Variants in GRM5 observed in about 807,000 individuals in gnomAD.
GRM5 encodes metabotropic glutamate receptor 5.
In GRM5, 19 loss-of-function variants were observed where a neutral mutation model predicts 83.1. The ratio of observed to expected loss-of-function variants is 0.23; its 90% CI spans 0.16 to 0.34. The LOEUF (loss-of-function observed/expected upper bound fraction) is 0.34, where lower values mean the gene tolerates loss of function less well. Ranked by LOEUF, GRM5 falls within the 10% of genes least tolerant of loss-of-function variation. The pLI, the probability that GRM5 is intolerant of heterozygous loss-of-function variation, is 1.00. For synonymous variants in GRM5, 675 were observed against 633.6 expected, an observed-to-expected ratio of 1.07 and a Z score of -0.98; for missense variants, 1,160 against 1,588.3, an observed-to-expected ratio of 0.73 and a Z score of 4.58.
At chr11:88,783,318 T>A (rs1382891913) in intron 3 of GRM5, among the ~76,000 whole-genome samples, 1 of 152,108 alleles carries the variant, frequency 6.6e-6, no homozygotes, top group Non-Finnish European at 1.5e-5. Context: ...ACACTAAATT[T>A]TGGGTATCTT....
At chr11:88,510,508 AG>A (rs1941335717) in intron 9 of GRM5, among the ~76,000 whole-genome samples, 1 of 76,642 alleles carries the variant, frequency 1.3e-5, no homozygotes. Flanking sequence ...CTGACACTCA[AG>A]ATTTTTTTTT....
At chr11:88,845,728 C>T (rs1440012687) in intron 3 of GRM5, among the ~76,000 whole-genome samples, 4 of 151,374 alleles carry the variant, frequency 2.6e-5, no homozygotes, top group Non-Finnish European at 5.9e-5. Context: ...CCACCGCGCC[C>T]CCCCCCACTT....
intron 3 of GRM5, among the ~76,000 whole-genome samples, chr11:88,749,943 A>C (rs571649054): frequency 6.6e-6 from 1 of 152,296 alleles, no homozygotes; most frequent in East Asian, 1.9e-4. Context: ...GGAAGCACTA[A>C]ATATGGAAAG....
At chr11:88,842,206 T>A (rs868622457) in intron 3 of GRM5, among the ~76,000 whole-genome samples, 22 of 152,098 alleles carry the variant, frequency 1.4e-4, no homozygotes, top group African/African-American at 4.1e-4. Flanking sequence ...TTCTTATTTT[T>A]AAAAAAATAT....
intron 2 of GRM5, among the ~76,000 whole-genome samples, chr11:88,986,222 G>A (rs1021287067): frequency 6.6e-6 from 1 of 152,068 alleles, no homozygotes; most frequent in African/African-American, 2.4e-5. Flanking sequence ...TCTCTAGAGA[G>A]TTATGCTAAG....
chr11:88,969,433 T>C (rs1469980246), intron 2 of GRM5, among the ~76,000 whole-genome samples: 1 of 152,048 alleles, frequency 6.6e-6, no homozygotes, highest in African/African-American at 2.4e-5. Context: ...TCAAATCTAA[T>C]TTCCCCATCA....
chr11:88,639,300 C>G (rs1939226098), intron 4 of GRM5, among the ~76,000 whole-genome samples: 1 of 152,116 alleles, frequency 6.6e-6, no homozygotes, highest in South Asian at 2.1e-4. Context: ...GCAGTTCTCT[C>G]CTCTCTGATT....
At chr11:88,726,654 C>G (rs569300538) in intron 3 of GRM5, among the ~76,000 whole-genome samples, 10 of 152,152 alleles carry the variant, frequency 6.6e-5, no homozygotes, top group Non-Finnish European at 1.5e-4. Context: ...GGTCAGATTA[C>G]CCACAAAGGG....
At chr11:89,006,784 TTTTGTTTTGTTTTGC>T (rs1489258715) in intron 2 of GRM5, among the ~76,000 whole-genome samples, 1 of 152,100 alleles carries the variant, frequency 6.6e-6, no homozygotes, top group Middle Eastern at 3.4e-3. Context: ...ATCTTTTTTG[TTTTGTTTTGTTTTGC>T]TTTGTTTTGT....
rs548301900 is a variant in GRM5, at chr11:88,759,325, A to C, written c.911+90581T>G. Among the ~76,000 whole-genome samples, 14 of 152,302 alleles carry C rather than the reference A, an allele frequency of 9.2e-5. No individual in the cohort carries two copies. The East Asian group carries it at 2.3e-3, about 25-fold the overall frequency. On this transcript the variant is annotated intron_variant, in intron 3 of 9. Coordinates refer to ENST00000305447, the MANE Select transcript of GRM5 (RefSeq NM_001143831.3). ...AGACCCAATGTACGGTCTCTTCAGG[A>C]GACCCATCTCACAGGCAATGACACA... is the stretch of plus-strand genomic sequence containing the variant.
chr11:88,939,697 C>T (rs979950920), intron 2 of GRM5, among the ~76,000 whole-genome samples: 4 of 151,444 alleles, frequency 2.6e-5, no homozygotes, highest in Admixed American at 1.3e-4. Flanking sequence ...CGTATGTGTG[C>T]GCGTGTTTGG....
chr11:88,972,576 G>A (rs895663423), intron 2 of GRM5, among the ~76,000 whole-genome samples: 2 of 152,058 alleles, frequency 1.3e-5, no homozygotes, highest in Non-Finnish European at 2.9e-5. Context: ...ATTCTTCCAG[G>A]CCAACTAATT....
chr11:88,583,219 G>C (rs1340323442), intron 7 of GRM5, among the ~76,000 whole-genome samples: 1 of 151,980 alleles, frequency 6.6e-6, no homozygotes, highest in Admixed American at 6.6e-5. Context: ...TATAAAACCT[G>C]CCAGTGGTTA....
intron 2 of GRM5, among the ~76,000 whole-genome samples, chr11:88,891,611 T>TAAGTATATGCTATCAAA (rs1565279878): frequency 1.9e-5 from 1 of 53,664 alleles, no homozygotes; most frequent in Non-Finnish European, 3.9e-5. Context: ...TTCTAATGTC[T>TAAGTATATGCTATCAAA]CATAATTAAT....
intron 3 of GRM5, among the ~76,000 whole-genome samples, chr11:88,696,721 T>C (rs1940913865): frequency 6.6e-6 from 1 of 152,204 alleles, no homozygotes; most frequent in Non-Finnish European, 1.5e-5. Context: ...ACCTATCTCA[T>C]TGAATGGTTG....
At chr11:88,728,415 A>G (rs1436564704) in intron 3 of GRM5, among the ~76,000 whole-genome samples, 1 of 152,126 alleles carries the variant, frequency 6.6e-6, no homozygotes, top group Non-Finnish European at 1.5e-5. Context: ...CCAGGACCAG[A>G]TGGATTCACA....
chr11:88,885,450 G>GGTTTTTTTTTTTTTTTTTTTTTTT lies in GRM5; in HGVS notation c.662-35296_662-35295insAAAAAAAAAAAAAAAAAAAAAAAC, dbSNP rs1945027301. Among the ~76,000 whole-genome samples, 10 of 62,666 alleles carry GGTTTTTTTTTTTTTTTTTTTTTTT rather than the reference G, an allele frequency of 1.6e-4. 4 individuals carry two copies. Among genetic ancestry groups the GGTTTTTTTTTTTTTTTTTTTTTTT allele is most frequent in the African/African-American group, 4.7e-4 (8 of 16,858 alleles). 41.1% of individuals were successfully genotyped at this position (62,666 alleles called of 152,430 possible). A position where few individuals can be genotyped will look rare whatever the true frequency, so the allele number is the denominator to read the frequency against. On this transcript the variant is annotated intron_variant, in intron 2 of 9. Coordinates refer to ENST00000305447, the MANE Select transcript of GRM5 (RefSeq NM_001143831.3). ...TTCTGAATTCTATAGTAGGTACCAT[G>GGTTTTTTTTTTTTTTTTTTTTTTT]TTTTTTTTTTTTTTTTTTTTTTTTT... is the stretch of plus-strand genomic sequence containing the variant.
rs1430557763 is a variant in GRM5, at chr11:88,522,539, AAGGG to A, written c.2726+2766_2726+2769del. Among the ~76,000 whole-genome samples, 621 of 147,860 alleles carry A rather than the reference AAGGG, an allele frequency of 4.2e-3. 1 individual carries two copies. Among genetic ancestry groups the A allele is most frequent in the Non-Finnish European group, 6.5e-3 (438 of 66,956 alleles). Reference sequence around the variant, plus strand: ...TGTCTCTAGGCCTTTTCTACTCCCTAAGGGAAAGCTTAAGCATGGCAGGTCTCTC... The same window carrying A: ...TGTCTCTAGGCCTTTTCTACTCCCTAAAAGCTTAAGCATGGCAGGTCTCTC... On this transcript the variant is annotated intron_variant, in intron 9 of 9. Transcript: ENST00000305447.
At chr11:88,748,801 C>T (rs943867904) in intron 3 of GRM5, among the ~76,000 whole-genome samples, 1 of 152,106 alleles carries the variant, frequency 6.6e-6, no homozygotes, top group African/African-American at 2.4e-5. Flanking sequence ...ATGGGAAAAA[C>T]TGAGGCAACT....
Sources: allele counts gnomAD v4.1 joint callset (sites outside exome capture counted in the v4.1 genomes callset), GRCh38; gene constraint gnomAD v4.1.1; transcripts MANE v1.5; gene names NCBI Gene and HGNC (gene_info 2026-07-23, HGNC 2026-07-21).